Variants in PRKCE observed in about 807,000 individuals in gnomAD.
PRKCE encodes the protein protein kinase C epsilon type.
Under a neutral mutation model 85.4 loss-of-function variants are expected in PRKCE, and 16 were observed. The ratio of observed to expected loss-of-function variants is 0.19; its 90% confidence interval spans 0.13 to 0.28. The LOEUF is 0.28. PRKCE is among the 10% of genes least tolerant of loss of function. The pLI is 1.00. For synonymous variants in PRKCE, 388 were observed against 371.5 expected (o/e 1.04, Z -0.51); for missense variants, 573 against 975.2 (o/e 0.59, Z 5.49).
chr2:45,776,193 A>G (rs866634555), intron 1 of PRKCE, among the ~76,000 whole-genome samples: 1 of 152,238 alleles, frequency 6.6e-6, no homozygotes, highest in Admixed American at 6.5e-5. Context: ...TTAGACAATG[A>G]ATTCTGTGCA....
At chr2:46,146,744 G>A (rs1676106564) in intron 12 of PRKCE, among the ~76,000 whole-genome samples, 1 of 152,204 alleles carries the variant, frequency 6.6e-6, no homozygotes, top group Non-Finnish European at 1.5e-5. Flanking sequence ...TCTTAGAAAG[G>A]TTTGTTAAAA....
chr2:45,912,238 T>C (rs975408738), intron 2 of PRKCE, among the ~76,000 whole-genome samples: 2 of 152,096 alleles, frequency 1.3e-5, no homozygotes, highest in African/African-American at 4.8e-5. Context: ...GAAGGTGTTA[T>C]CCCGTGACAG....
chr2:46,059,064 A>G (rs1558405452), intron 10 of PRKCE, among the ~76,000 whole-genome samples: 1 of 152,166 alleles, frequency 6.6e-6, no homozygotes, highest in Non-Finnish European at 1.5e-5. Flanking sequence ...CATGCCTGTA[A>G]CGTGGCAAGA....
chr2:45,890,026 T>C (rs746683838), intron 2 of PRKCE, among the ~76,000 whole-genome samples: 24 of 152,226 alleles, frequency 1.6e-4, no homozygotes, highest in Non-Finnish European at 3.4e-4. Context: ...ATCCCAGCTT[T>C]TTCTAATACA....
intron 2 of PRKCE, among the ~76,000 whole-genome samples, chr2:45,875,401 G>T (rs2105778769): frequency 6.6e-6 from 1 of 152,334 alleles, no homozygotes; most frequent in Non-Finnish European, 1.5e-5. Flanking sequence ...TCTTCAAGTT[G>T]GGACCTGTTC....
rs1394050037 is a variant in PRKCE, at chr2:45,743,726, G to A, written c.348+91278G>A. Among the ~76,000 whole-genome samples, 3 of 152,196 alleles carry A rather than the reference G, an allele frequency of 2.0e-5. No homozygotes were observed. In the East Asian group the frequency reaches 5.8e-4, roughly 29 times the overall value. ...TCTTTCAAAACCTTGCCCTAAGCAGGAGGTTTTTAAGACTGTGTTTAGTCC... is the reference window on the plus strand; with the variant it reads ...TCTTTCAAAACCTTGCCCTAAGCAGAAGGTTTTTAAGACTGTGTTTAGTCC... On this transcript the variant is annotated intron_variant, in intron 1 of 14. Coordinates refer to ENST00000306156, the MANE Select transcript of PRKCE (RefSeq NM_005400.3).
chr2:45,724,176 T>C (rs1181060821), intron 1 of PRKCE, among the ~76,000 whole-genome samples: 1 of 152,234 alleles, frequency 6.6e-6, no homozygotes, highest in Non-Finnish European at 1.5e-5. Flanking sequence ...ATTTTTCTAA[T>C]AGCATATGTT....
chr2:45,981,246 A>G (rs1702869242), intron 5 of PRKCE, among the ~76,000 whole-genome samples: 1 of 152,268 alleles, frequency 6.6e-6, no homozygotes, highest in Non-Finnish European at 1.5e-5. Flanking sequence ...AGGTATTATC[A>G]GAACACTTGA....
intron 1 of PRKCE, among the ~76,000 whole-genome samples, chr2:45,735,768 A>T (rs1682005726): frequency 6.6e-6 from 1 of 152,206 alleles, no homozygotes; most frequent in African/African-American, 2.4e-5. Flanking sequence ...GGCAAGCCGG[A>T]TCCTTATTCT....
intron 1 of PRKCE, among the ~76,000 whole-genome samples, chr2:45,738,104 C>T (rs1473520385): frequency 6.6e-6 from 1 of 152,202 alleles, no homozygotes; most frequent in African/African-American, 2.4e-5. Context: ...TTTCTCCTAA[C>T]TGGCCTCCCT....
At chr2:46,081,459 A>G (rs1039868221) in intron 10 of PRKCE, among the ~76,000 whole-genome samples, 1 of 152,248 alleles carries the variant, frequency 6.6e-6, no homozygotes, top group Non-Finnish European at 1.5e-5. Context: ...AAGCACACAG[A>G]CTACGGCGGG....
chr2:45,754,352 G>A (rs1683832159), intron 1 of PRKCE, among the ~76,000 whole-genome samples: 1 of 152,240 alleles, frequency 6.6e-6, no homozygotes, highest in Non-Finnish European at 1.5e-5. Context: ...GTTAGAATAT[G>A]TTTACAGAAC....
intron 1 of PRKCE, among the ~76,000 whole-genome samples, chr2:45,815,731 C>G (rs1362616300): frequency 1.3e-5 from 2 of 152,196 alleles, no homozygotes; most frequent in Non-Finnish European, 1.5e-5. Flanking sequence ...TAAGGAATAA[C>G]TAGGGAGGTT....
At chr2:45,972,917 T>C (rs1036005667) in intron 2 of PRKCE, among the ~76,000 whole-genome samples, 9 of 152,218 alleles carry the variant, frequency 5.9e-5, no homozygotes, top group Non-Finnish European at 1.3e-4. Context: ...CTAAAAGTCA[T>C]ATGGAACCAT....
chr2:45,867,607 C>G (rs12466823), intron 2 of PRKCE, among the ~76,000 whole-genome samples: 28,265 of 152,048 alleles, frequency 0.19, 3,456 homozygotes, highest in East Asian at 0.43. Context: ...TTTTAAAATT[C>G]GGTGGAGGAA....
intron 2 of PRKCE, among the ~76,000 whole-genome samples, chr2:45,889,080 G>A (rs1695515359): frequency 6.6e-6 from 1 of 152,184 alleles, no homozygotes; most frequent in African/African-American, 2.4e-5. Context: ...CATTTGGGTT[G>A]CTCTGTTATA....
intron 11 of PRKCE, among the ~76,000 whole-genome samples, chr2:46,144,545 T>C (rs558965859): frequency 4.6e-5 from 7 of 152,278 alleles, no homozygotes; most frequent in African/African-American, 1.7e-4. Flanking sequence ...TAACCATGTT[T>C]CTCTTGAGGG....
At chr2:45,857,602 G>A (rs188283241) in intron 2 of PRKCE, among the ~76,000 whole-genome samples, 10 of 152,276 alleles carry the variant, frequency 6.6e-5, no homozygotes, top group African/African-American at 2.4e-4. Context: ...TTTTGGAGAT[G>A]AGGTCTTGCT....
At chr2:45,956,521 G>GAAA (rs112737184) in intron 2 of PRKCE, among the ~76,000 whole-genome samples, 1 of 137,388 alleles carries the variant, frequency 7.3e-6, no homozygotes, top group African/African-American at 2.7e-5. Flanking sequence ...TCTCTACTAA[G>GAAA]AAAAAAAAAA....
Sources: gnomAD v4.1 joint callset for allele counts (sites outside exome capture counted in the v4.1 genomes callset) on GRCh38, gnomAD v4.1.1 for gene constraint, MANE v1.5 for transcripts, NCBI Gene and HGNC (gene_info 2026-07-23, HGNC 2026-07-21) for gene names.